PNLIPRP1: variants seen among roughly 807,000 people sequenced by gnomAD.
PNLIPRP1 encodes the protein pancreatic lipase related protein 1, also known as inactive pancreatic lipase-related protein 1.
A neutral mutation model predicts 54.6 loss-of-function variants in PNLIPRP1; 57 were observed. That is an observed-to-expected ratio of 1.04 (90% confidence interval 0.84 to 1.30). The LOEUF is 1.30. Among genes scored for constraint, PNLIPRP1 ranks in the 50% most tolerant of loss-of-function variants. PNLIPRP1 has a pLI of 0.00. For synonymous variants in PNLIPRP1, 232 were observed against 208.8 expected, an observed-to-expected ratio of 1.11 and a Z score of -0.96; for missense variants, 567 against 568.5, an observed-to-expected ratio of 1.00 and a Z score of 0.03.
intron 2 of PNLIPRP1, 23 bp from the exon 3 acceptor site, chr10:116,591,748 G>C: frequency 6.2e-7 from 1 of 1,613,254 alleles, no homozygotes; most frequent in Non-Finnish European, 8.5e-7. Context: ...AAATCCTTGA[G>C]CAGATTCAAC....
At chr10:116,604,009 A>G in intron 10 of PNLIPRP1, 21 bp from the exon 11 acceptor site, 1 of 1,481,962 alleles carries the variant, frequency 6.7e-7, no homozygotes, top group Middle Eastern at 1.7e-4. Flanking sequence ...AATAAATTGA[A>G]CTCTTCCATC....
At chr10:116,601,305 T>C in intron 10 of PNLIPRP1, 104 bp downstream of exon 10, 2 of 1,100,028 alleles carry the variant, frequency 1.8e-6, no homozygotes. Flanking sequence ...TACATTTTAA[T>C]TATCTTAGAA....
In PNLIPRP1 at chr10:116,591,841, G is replaced by A. The variant is rs782469352; in HGVS notation, c.120G>A (p.Arg40=). Residue 40 remains arginine, a synonymous_variant, in exon 3 of 13, where the codon AGG becomes AGA. Coordinates refer to ENST00000358834, the MANE Select transcript of PNLIPRP1 (RefSeq NM_006229.4). ...DTEPWGGTAI[R]PLKILPWSPE... is the part of the protein sequence containing the mutation. ...AGCCCTGGGGCGGGACAGCAATCAG[G>A]CCCCTGAAAATTCTCCCCTGGAGCC... is the stretch of plus-strand genomic sequence containing the variant. 1.9e-6 allele frequency: 3 copies of A among 1,614,076 alleles called. No homozygotes were observed. The highest frequency in any genetic ancestry group is 1.3e-5 in the African/African-American group (1 of 74,936).
chr10:116,597,706 A>C (rs1471597507), intron 6 of PNLIPRP1, 122 bp from the exon 7 acceptor site: 1 of 1,113,270 alleles, frequency 9.0e-7, no homozygotes, highest in Non-Finnish European at 1.3e-6. Context: ...ATGGCACTGC[A>C]TCACTCTGGT....
Position 116,604,153 on chromosome 10 carries a change from T to G in PNLIPRP1, c.1172+15T>G. 7.5e-7 allele frequency: 1 copy of G among 1,340,656 alleles called. No individual in the cohort carries two copies. Among genetic ancestry groups the G allele is most frequent in the South Asian group, 1.2e-5 (1 of 84,936 alleles). 83.0% of individuals were successfully genotyped at this position (1,340,656 alleles called of 1,614,324 possible). On this transcript the variant is annotated intron_variant, in intron 11 of 12. Transcript: ENST00000358834. ...AGTATCTTCAGGTAATTTCCTATTT[T>G]AACACTACGTCTCATTTGATGATAT...
chr10:116,600,195 G>A (rs782183156), intron 9 of PNLIPRP1, 30 bp downstream of exon 9: 2 of 1,402,146 alleles, frequency 1.4e-6, no homozygotes, highest in Admixed American at 1.7e-5. Context: ...CGAGCAACAA[G>A]CATCACCCCT....
intron 4 of PNLIPRP1, chr10:116,594,016 C>A: frequency 6.2e-6 from 1 of 160,328 alleles, no homozygotes; most frequent in Non-Finnish European, 1.3e-5. Context: ...GAGGAGAAAA[C>A]TCCCACTATC....
At chr10:116,596,058 A>T (rs1847729392) in intron 5 of PNLIPRP1, 156 bp from the exon 6 acceptor site, 1 of 648,070 alleles carries the variant, frequency 1.5e-6, no homozygotes, top group South Asian at 1.9e-5. Context: ...ATGATGAGTT[A>T]GGAAAGCTCG....
chr10:116,594,724 C>T lies in PNLIPRP1; in HGVS notation c.331-6C>T, dbSNP rs782488935. On this transcript the variant is annotated splice_region_variant and splice_polypyrimidine_tract_variant and intron_variant, in intron 4 of 12. Coordinates refer to ENST00000358834, the MANE Select transcript of PNLIPRP1 (RefSeq NM_006229.4). Reference sequence around the variant, plus strand: ...CTCCCCAACCCCACTATCTCCCCAACACCAGAAACTGTTCGAGGTGGAGGA... The same window carrying T: ...CTCCCCAACCCCACTATCTCCCCAATACCAGAAACTGTTCGAGGTGGAGGA... 2 of 1,614,124 alleles carry T rather than the reference C, an allele frequency of 1.2e-6. No homozygotes were observed. Among genetic ancestry groups the T allele is most frequent in the Admixed American group, 1.7e-5 (1 of 60,016 alleles).
chr10:116,607,507 C>T (rs1479238988), intron 12 of PNLIPRP1, among the ~76,000 whole-genome samples: 2 of 152,050 alleles, frequency 1.3e-5, no homozygotes, highest in Admixed American at 1.3e-4. Context: ...CAGGATGAGG[C>T]AGGGAGTAGG....
At chr10:116,604,214 T>C in intron 11 of PNLIPRP1, 76 bp downstream of exon 11, 1 of 747,474 alleles carries the variant, frequency 1.3e-6, no homozygotes, top group Non-Finnish European at 2.3e-6. Flanking sequence ...ATTTGAACAC[T>C]TATCATCTCT....
At chr10:116,597,374 A>C (rs1554864093) in intron 6 of PNLIPRP1, among the ~76,000 whole-genome samples, 1 of 152,206 alleles carries the variant, frequency 6.6e-6, no homozygotes, top group African/African-American at 2.4e-5. Flanking sequence ...AAAAAGGTAG[A>C]GTGACATGCT....
intron 12 of PNLIPRP1, among the ~76,000 whole-genome samples, chr10:116,608,324 T>A (rs1554865823): frequency 6.6e-6 from 1 of 152,172 alleles, no homozygotes; most frequent in East Asian, 1.9e-4. Context: ...ACTACATCCT[T>A]CCTCAGAGTC....
At chr10:116,608,526 G>T (rs1198033335) in intron 12 of PNLIPRP1, among the ~76,000 whole-genome samples, 2 of 152,232 alleles carry the variant, frequency 1.3e-5, no homozygotes, top group Non-Finnish European at 2.9e-5. Context: ...TTATTCTGCT[G>T]ATTAATGGAG....
chr10:116,605,470 T>A lies in PNLIPRP1; in HGVS notation c.1257T>A (p.Leu419=). The A allele has an allele frequency of 1.9e-6, 3 of 1,612,206 alleles. No homozygotes were observed. The highest frequency in any genetic ancestry group is 3.3e-5 in the Admixed American group (2 of 60,014). Residue 419 remains leucine, a synonymous_variant, in exon 12 of 13, where the codon CTT becomes CTA. Coordinates refer to ENST00000358834, the MANE Select transcript of PNLIPRP1 (RefSeq NM_006229.4). Reference sequence around the variant, plus strand: ...GAACAATTGAGAAAGTCAAGTTTCTTTGGAATAACAATGTGATAAATCCAA... The same window carrying A: ...GAACAATTGAGAAAGTCAAGTTTCTATGGAATAACAATGTGATAAATCCAA... ...DVGTIEKVKF[L]WNNNVINPTL... is the part of the protein sequence containing the mutation.
At position 116,605,555 on chromosome 10, in the gene PNLIPRP1, T is replaced by C; in HGVS notation, c.1340+2T>C. 5 of 1,532,772 alleles carry C rather than the reference T, an allele frequency of 3.3e-6. No individual in the cohort carries two copies. In the East Asian group the frequency reaches 1.2e-4, roughly 36 times the overall value. The allele number at this position is 1,532,772 out of a possible 1,614,324, so 94.9% of individuals were successfully genotyped here. A position where few individuals can be genotyped will look rare whatever the true frequency, so the allele number is the denominator to read the frequency against. On this transcript the variant is annotated splice_donor_variant, in intron 12 of 12. Transcript: ENST00000358834. LOFTEE classifies it high-confidence loss of function. ...GCAAAAGGGAGAAGAGAAGACAGTG[T>C]ATGTATCTTTGCTGGCTGGTGCCTA...
chr10:116,600,315 T>C (rs536827564), intron 9 of PNLIPRP1, 150 bp downstream of exon 9: 338 of 578,926 alleles, frequency 5.8e-4, no homozygotes, highest in Non-Finnish European at 8.8e-4. Context: ...GAAAAAAAAG[T>C]AAACAACTTT....
intron 3 of PNLIPRP1, 159 bp downstream of exon 3, chr10:116,592,084 C>A: frequency 1.4e-6 from 1 of 726,748 alleles, no homozygotes; most frequent in Non-Finnish European, 2.2e-6. Flanking sequence ...CAGAGCAGGT[C>A]TTTAGTAATG....
intron 11 of PNLIPRP1, among the ~76,000 whole-genome samples, chr10:116,604,466 T>C (rs1354236147): frequency 3.9e-5 from 6 of 152,178 alleles, no homozygotes; most frequent in African/African-American, 1.4e-4. Flanking sequence ...CCATACAGCC[T>C]AGGTATGTAG....
Sources: gnomAD v4.1 joint callset for allele counts (sites outside exome capture counted in the v4.1 genomes callset) on GRCh38, gnomAD v4.1.1 for gene constraint, MANE v1.5 for transcripts, NCBI Gene and HGNC (gene_info 2026-07-23, HGNC 2026-07-21) for gene names.